The following PVT1 variants were observed in gnomAD, a reference collection of about 807,000 sequenced individuals.
PVT1 encodes the protein CXCR4/PVT1 fusion.
At chr8:127,855,601 T>A (rs1302059023) in intron 2 of PVT1, among the ~76,000 whole-genome samples, 2 of 152,156 alleles carry the variant, frequency 1.3e-5, no homozygotes, top group African/African-American at 4.8e-5. Flanking sequence ...GATTGGAATC[T>A]GCATTCATAA....
At chr8:127,964,161 GC>G (rs1233601512) in intron 3 of PVT1, among the ~76,000 whole-genome samples, 3 of 152,240 alleles carry the variant, frequency 2.0e-5, no homozygotes, top group African/African-American at 7.2e-5. Flanking sequence ...GGGCAAGTCA[GC>G]CATGCCTGGA....
At position 127,869,798 on chromosome 8, in the gene PVT1, G is replaced by C. The variant is rs117263647; in HGVS notation, n.373-20791G>C. Among the ~76,000 whole-genome samples the C allele has an allele frequency of 2.6e-5, 4 of 151,992 alleles. No homozygotes were observed. In the East Asian group the frequency reaches 7.8e-4, roughly 29 times the overall value. Reference sequence around the variant, plus strand: ...AGAACATGGCATTATTTGGACATAGGGTTTTTGTTTTTGTTTTTGTTTTGA... The same window carrying C: ...AGAACATGGCATTATTTGGACATAGCGTTTTTGTTTTTGTTTTTGTTTTGA... On this transcript the variant is annotated intron_variant and non_coding_transcript_variant, in intron 2 of 10. Coordinates refer to ENST00000651587, the Ensembl canonical transcript of PVT1.
At chr8:127,841,818 C>G (rs1003485068) in intron 2 of PVT1, among the ~76,000 whole-genome samples, 8 of 151,698 alleles carry the variant, frequency 5.3e-5, no homozygotes. Flanking sequence ...CTCTGCCTCC[C>G]AGGTTCAAGT....
intron 4 of PVT1, among the ~76,000 whole-genome samples, chr8:128,056,279 G>A (rs1813761257): frequency 6.6e-6 from 1 of 152,174 alleles, no homozygotes; most frequent in Non-Finnish European, 1.5e-5. Context: ...AAATAGGAGT[G>A]TGTGTGTATT....
At chr8:127,978,481 A>T (rs1188349398) in intron 3 of PVT1, among the ~76,000 whole-genome samples, 8 of 149,284 alleles carry the variant, frequency 5.4e-5, no homozygotes, top group Admixed American at 4.0e-4. Flanking sequence ...TATTATTATT[A>T]TTTATTATTA....
At chr8:128,081,318 A>G (rs749406214) in intron 5 of PVT1, among the ~76,000 whole-genome samples, 5 of 152,170 alleles carry the variant, frequency 3.3e-5, no homozygotes, top group Non-Finnish European at 5.9e-5. Context: ...GTTGCTTCCA[A>G]TTTTTGGCAA....
intron 3 of PVT1, among the ~76,000 whole-genome samples, chr8:127,892,134 GTTCGGC>G (rs1563632022): frequency 6.6e-6 from 1 of 152,336 alleles, no homozygotes; most frequent in East Asian, 1.9e-4. Context: ...TGGATTCCTA[GTTCGGC>G]TCATGCCTGA....
intron 4 of PVT1, among the ~76,000 whole-genome samples, chr8:128,026,747 G>T (rs567276105): frequency 6.6e-6 from 1 of 152,256 alleles, no homozygotes; most frequent in African/African-American, 2.4e-5. Context: ...TCTCCTTATA[G>T]TCTCCCACCT....
intron 2 of PVT1, among the ~76,000 whole-genome samples, chr8:127,853,844 GCGGGGCACGATGCTTT>G (rs1317087453): frequency 6.6e-6 from 1 of 151,952 alleles, no homozygotes; most frequent in Non-Finnish European, 1.5e-5. Context: ...GAGAAGAAAG[GCGGGGCACGATGCTTT>G]TTAAGTCTAC....
chr8:127,805,988 CA>C (rs1814522511), intron 2 of PVT1, among the ~76,000 whole-genome samples: 1 of 152,010 alleles, frequency 6.6e-6, no homozygotes, highest in Non-Finnish European at 1.5e-5. Context: ...ATCTAAGCAA[CA>C]AAAACTGCAA....
intron 4 of PVT1, among the ~76,000 whole-genome samples, chr8:128,058,378 A>ATATG (rs1813787132): frequency 6.8e-6 from 1 of 146,578 alleles, no homozygotes; most frequent in Admixed American, 6.8e-5. Flanking sequence ...AAACTGATGC[A>ATATG]TGTGTGTGTG....
intron 4 of PVT1, among the ~76,000 whole-genome samples, chr8:127,995,066 A>G (rs1817089448): frequency 6.6e-6 from 1 of 152,234 alleles, no homozygotes; most frequent in Admixed American, 6.5e-5. Flanking sequence ...GCAGAGACAC[A>G]GTCTATCCCA....
At position 127,800,692 on chromosome 8, in the gene PVT1, A is replaced by G. The variant is rs117108489; in HGVS notation, n.372+4621A>G. Among the ~76,000 whole-genome samples the G allele has an allele frequency of 1.5e-3, 231 of 151,618 alleles. 1 individual carries two copies. Among genetic ancestry groups the G allele is most frequent in the Admixed American group, 0.011 (173 of 15,190 alleles). On this transcript the variant is annotated intron_variant and non_coding_transcript_variant, in intron 2 of 10. Transcript: ENST00000651587. ...TCTCCCACTAAATTGTAACCCATTCATTTTTCCAGGATATATTTGTTGGGT... is the reference window on the plus strand; with the variant it reads ...TCTCCCACTAAATTGTAACCCATTCGTTTTTCCAGGATATATTTGTTGGGT...
At chr8:127,836,150 C>G (rs1349903579) in intron 2 of PVT1, among the ~76,000 whole-genome samples, 1 of 152,160 alleles carries the variant, frequency 6.6e-6, no homozygotes, top group African/African-American at 2.4e-5. Context: ...TGGCACCAGT[C>G]ATAGTCTGTA....
At chr8:128,085,317 A>T (rs1814242559) in intron 5 of PVT1, among the ~76,000 whole-genome samples, 1 of 152,174 alleles carries the variant, frequency 6.6e-6, no homozygotes, top group Non-Finnish European at 1.5e-5. Context: ...GGAAAACTCC[A>T]AGTGAGAAGC....
chr8:127,986,760 TTTGCAGCTCC>T (rs1470310761), intron 3 of PVT1, among the ~76,000 whole-genome samples: 11 of 152,236 alleles, frequency 7.2e-5, no homozygotes, highest in African/African-American at 2.7e-4. Context: ...CCCAGGATTC[TTTGCAGCTCC>T]TGGGAGAAGC....
intron 2 of PVT1, among the ~76,000 whole-genome samples, chr8:127,838,670 A>G (rs1193575392): frequency 6.6e-6 from 1 of 152,108 alleles, no homozygotes; most frequent in African/African-American, 2.4e-5. Flanking sequence ...GTGCCACTGG[A>G]CTCCAACCTG....
At chr8:127,926,058 C>A (rs942100884) in intron 3 of PVT1, among the ~76,000 whole-genome samples, 1 of 152,150 alleles carries the variant, frequency 6.6e-6, no homozygotes, top group African/African-American at 2.4e-5. Flanking sequence ...AAAGGTGGGA[C>A]TCTCTGCAGT....
chr8:128,099,954 AGGTTCCCCAGCCAGCCGCAGGGTG>A, intron 6 of PVT1: 1 of 152,118 alleles, frequency 6.6e-6, no homozygotes, highest in Non-Finnish European at 1.5e-5. Context: ...TTAAGCCCTC[AGGTTCCCCAGCCAGCCGCAGGGTG>A]GGTTTGTTCA....
Sources: allele counts gnomAD v4.1 joint callset (sites outside exome capture counted in the v4.1 genomes callset), GRCh38; gene constraint gnomAD v4.1.1; transcripts MANE v1.5; gene names NCBI Gene and HGNC (gene_info 2026-07-23, HGNC 2026-07-21).